Variants in MADD observed in about 807,000 individuals in gnomAD.
MADD encodes MAP kinase activating death domain.
MADD carries 109 observed loss-of-function variants against 176.7 expected under a neutral mutation model. The observed-to-expected ratio is 0.62, with a 90% confidence interval of 0.53 to 0.72. MADD has a LOEUF of 0.72. Among genes scored for constraint, MADD ranks in the 30% least tolerant of loss-of-function variants. The probability of loss-of-function intolerance (pLI) is 0.00; values close to 1 mark genes in which losing one functional copy is unlikely to be tolerated. For synonymous variants in MADD, 771 were observed against 771.3 expected, an observed-to-expected ratio of 1.00 and a Z score of 0.01; for missense variants, 1,914 against 2,045.5, an observed-to-expected ratio of 0.94 and a Z score of 1.24.
At chr11:47,274,403 A>G (rs1404080436) in intron 2 of MADD, among the ~76,000 whole-genome samples, 160 bp from the exon 3 acceptor site, 2 of 152,184 alleles carry the variant, frequency 1.3e-5, no homozygotes, top group African/African-American at 2.4e-5. Flanking sequence ...CACTTAGGTT[A>G]CCAGCTCCAT....
intron 6 of MADD, among the ~76,000 whole-genome samples, chr11:47,278,765 A>G (rs1330756346): frequency 6.6e-6 from 1 of 152,248 alleles, no homozygotes; most frequent in Non-Finnish European, 1.5e-5. Context: ...AAGTGAAAAG[A>G]AAAACCATAA....
intron 19 of MADD, among the ~76,000 whole-genome samples, chr11:47,291,657 CT>C (rs2065404931): frequency 6.6e-6 from 1 of 152,170 alleles, no homozygotes; most frequent in Non-Finnish European, 1.5e-5. Flanking sequence ...CAACTCCTGG[CT>C]TTCTCCTGCC....
At chr11:47,275,298 T>A in intron 3 of MADD, 139 bp downstream of exon 3, 1 of 808,004 alleles carries the variant, frequency 1.2e-6, no homozygotes, top group Non-Finnish European at 2.0e-6. Flanking sequence ...TTAGAGTTAA[T>A]CTTTTTTCTT....
intron 32 of MADD, 136 bp from the exon 37 acceptor site, chr11:47,328,910 T>A (rs2095772495): frequency 1.0e-6 from 1 of 974,028 alleles, no homozygotes; most frequent in South Asian, 1.4e-5. Context: ...TGGGGACAGC[T>A]TCCTTGCTTG....
Position 47,315,462 on chromosome 11 carries a change from GTTTT to G in MADD, c.4197+139_4197+142del, listed in dbSNP as rs543118995. The G allele has an allele frequency of 4.4e-3, 2,370 of 539,380 alleles. 11 individuals are homozygous for G. Among genetic ancestry groups the G allele is most frequent in the Non-Finnish European group, 6.3e-3 (1,902 of 301,004 alleles). 33.4% of individuals were successfully genotyped at this position (539,380 alleles called of 1,614,324 possible). A position where few individuals can be genotyped will look rare whatever the true frequency, so the allele number is the denominator to read the frequency against. On this transcript the variant is annotated intron_variant, in intron 27 of 32. Transcript: ENST00000402192. The stretch of plus-strand genomic sequence containing the variant: ...TATTTATCATTAAATTATCAGATTG[GTTTT>G]TTTGTTTTTTGCGTGTGTGTTTTTT...
intron 1 of MADD, among the ~76,000 whole-genome samples, chr11:47,273,276 C>T (rs905334960): frequency 1.3e-5 from 2 of 152,126 alleles, no homozygotes; most frequent in Non-Finnish European, 1.5e-5. Context: ...AAACAGAGCC[C>T]CAGGCGTTAA....
At chr11:47,273,405 C>A (rs900681069) in intron 1 of MADD, among the ~76,000 whole-genome samples, 1 of 151,960 alleles carries the variant, frequency 6.6e-6, no homozygotes, top group South Asian at 2.1e-4. Context: ...GTGGTGCGAT[C>A]TCAGCTCACC....
At chr11:47,279,381 C>CTTTTT (rs34428529) in intron 7 of MADD, among the ~76,000 whole-genome samples, 3 of 116,818 alleles carry the variant, frequency 2.6e-5, no homozygotes, top group Non-Finnish European at 1.7e-5. Flanking sequence ...TTTTCTCAGT[C>CTTTTT]TTTTTTTTTT....
At chr11:47,280,663 C>T (rs1040731011) in intron 7 of MADD, among the ~76,000 whole-genome samples, 1 of 152,212 alleles carries the variant, frequency 6.6e-6, no homozygotes, top group Non-Finnish European at 1.5e-5. Context: ...CTCCCAAGTT[C>T]AAGCGAATCT....
chr11:47,280,545 T>G (rs979615785), intron 7 of MADD, among the ~76,000 whole-genome samples: 1 of 152,126 alleles, frequency 6.6e-6, no homozygotes, highest in Non-Finnish European at 1.5e-5. Flanking sequence ...TGGAATTATA[T>G]TTAATTAAAT....
rs746449637 is a variant in MADD, at chr11:47,309,324, A to G, written c.3795A>G (p.Glu1265=). 7 of 1,614,114 alleles carry G rather than the reference A, an allele frequency of 4.3e-6. No homozygotes were observed. In the African/African-American group the frequency reaches 8.0e-5, roughly 18 times the overall value. ...TATGGGACCAAATGCAATTCTGGGA[A>G]GATGCCTTCTTAGATGCTGTGATGT... Residue 1265 remains glutamate (E), a synonymous_variant, in exon 24 of 33, where the codon GAA becomes GAG. Coordinates refer to ENST00000402192, the Ensembl canonical transcript of MADD.
intron 7 of MADD, among the ~76,000 whole-genome samples, chr11:47,280,747 A>G (rs2055819968): frequency 6.6e-6 from 1 of 152,054 alleles, no homozygotes; most frequent in Admixed American, 6.6e-5. Flanking sequence ...TTGTATTTTT[A>G]GTAGAGCTGG....
chr11:47,281,537 A>G (rs761770485), intron 7 of MADD, 38 bp from the exon 8 acceptor site: 55 of 1,547,854 alleles, frequency 3.6e-5, no homozygotes, highest in Non-Finnish European at 4.4e-5. Context: ...CTGCCCAGGG[A>G]CGTTCCTTGT....
At chr11:47,289,136 C>G in intron 15 of MADD, 109 bp downstream of exon 16, 1 of 1,127,936 alleles carries the variant, frequency 8.9e-7, no homozygotes, top group Non-Finnish European at 1.3e-6. Context: ...CATGAGTGAC[C>G]TGCTTGCCCC....
intron 31 of MADD, chr11:47,327,084 C>G (rs1057479741): frequency 1.4e-5 from 16 of 1,161,584 alleles, no homozygotes; most frequent in Non-Finnish European, 1.6e-5. Flanking sequence ...ACCACCTCCC[C>G]GTGCTGGGCC....
chr11:47,294,692 A>T (rs973122080), intron 20 of MADD, among the ~76,000 whole-genome samples: 1 of 151,140 alleles, frequency 6.6e-6, no homozygotes, highest in African/African-American at 2.4e-5. Context: ...AAAAAAAAAA[A>T]ATGAACAACC....
At chr11:47,328,438 G>C in intron 31 of MADD, 2 of 1,434,854 alleles carry the variant, frequency 1.4e-6, no homozygotes, top group South Asian at 3.0e-5. Context: ...GATGACAGAG[G>C]CCTAGCTGAG....
chr11:47,299,468 T>G (rs1291594377), intron 22 of MADD, among the ~76,000 whole-genome samples: 3 of 152,060 alleles, frequency 2.0e-5, no homozygotes, highest in Non-Finnish European at 4.4e-5. Context: ...TGATTTCTTT[T>G]TCTGCTATTT....
exon 25 of MADD, chr11:47,309,533 G>A (rs1472395792): frequency 8.1e-6 from 13 of 1,614,162 alleles, no homozygotes; most frequent in Non-Finnish European, 8.5e-6. Context: ...GAACATGACC[G>A]GAAGCGCCTG....
Sources: gnomAD v4.1 joint callset for allele counts (sites outside exome capture counted in the v4.1 genomes callset) on GRCh38, gnomAD v4.1.1 for gene constraint, MANE v1.5 for transcripts, NCBI Gene and HGNC (gene_info 2026-07-23, HGNC 2026-07-21) for gene names.